TDP1: variants seen among roughly 807,000 people sequenced by gnomAD.
The protein encoded by TDP1 is tyr-DNA phosphodiesterase 1.
A neutral mutation model predicts 81.5 loss-of-function variants in TDP1; 64 were observed. The ratio of observed to expected loss-of-function variants is 0.79; its 90% CI spans 0.64 to 0.97. The LOEUF is 0.97. TDP1 is among the 50% of genes least tolerant of loss of function. The pLI is 0.00. For synonymous variants in TDP1, 256 were observed against 264.3 expected, an observed-to-expected ratio of 0.97 and a Z score of 0.30; for missense variants, 723 against 743.8, an observed-to-expected ratio of 0.97 and a Z score of 0.33.
At position 90,044,589 on chromosome 14, in the gene TDP1, G is replaced by C. The variant is rs1378854924; in HGVS notation, c.*1446G>C. On this transcript the variant is annotated 3_prime_UTR_variant, in exon 17 of 17. Transcript: ENST00000335725. ...AGGAACCTTGTAGGCTGCAGTGGGG[G>C]TGTGGCGATAGAGCAGGAGGCAGGG... 6.6e-6 allele frequency: 1 copy of C among 152,320 alleles called. No homozygotes were observed. Among genetic ancestry groups the C allele is most frequent in the Non-Finnish European group, 1.5e-5 (1 of 68,116 alleles). The allele number at this position is 152,320 out of a possible 1,614,324, so 9.4% of individuals were successfully genotyped here.
intron 7 of TDP1, chr14:89,980,232 A>C (rs1005243745): frequency 2.0e-6 from 2 of 985,442 alleles, no homozygotes; most frequent in South Asian, 9.4e-5. Context: ...AACGGTCCCT[A>C]GTAGTAACAG....
intron 2 of TDP1, among the ~76,000 whole-genome samples, chr14:89,959,028 C>T (rs1892013549): frequency 6.6e-6 from 1 of 152,178 alleles, no homozygotes; most frequent in South Asian, 2.1e-4. Flanking sequence ...AGCATTTCTA[C>T]AACACTACAA....
At chr14:90,018,696 C>T (rs1443327842) in intron 14 of TDP1, among the ~76,000 whole-genome samples, 4 of 152,138 alleles carry the variant, frequency 2.6e-5, no homozygotes, top group Admixed American at 2.0e-4. Flanking sequence ...CCGCCCGCCT[C>T]GGCCTCCCAA....
At chr14:90,029,194 A>ATTTTT (rs539198642) in intron 15 of TDP1, among the ~76,000 whole-genome samples, 16 of 116,206 alleles carry the variant, frequency 1.4e-4, no homozygotes, top group African/African-American at 4.8e-4. Flanking sequence ...CCCTGCCATT[A>ATTTTT]TTTTTTTTTT....
chr14:90,011,249 T>C (rs1884665274), intron 14 of TDP1, among the ~76,000 whole-genome samples: 1 of 152,206 alleles, frequency 6.6e-6, no homozygotes, highest in Non-Finnish European at 1.5e-5. Context: ...CTTGGGTATG[T>C]CTTTATTAGC....
At chr14:90,004,828 C>G (rs1897515495) in intron 14 of TDP1, among the ~76,000 whole-genome samples, 1 of 152,196 alleles carries the variant, frequency 6.6e-6, no homozygotes, top group African/African-American at 2.4e-5. Context: ...GTTGTGAGCA[C>G]AGCTCTCTAG....
At chr14:89,964,806 A>G (rs1383190291) in intron 3 of TDP1, 9 of 409,628 alleles carry the variant, frequency 2.2e-5, no homozygotes, top group Non-Finnish European at 3.3e-5. Flanking sequence ...GTATTGTGGT[A>G]ACATGATAGG....
At chr14:89,984,857 A>T in intron 9 of TDP1, 174 bp downstream of exon 9, 1 of 985,454 alleles carries the variant, frequency 1.0e-6, no homozygotes, top group African/African-American at 1.7e-5. Flanking sequence ...GTTCTCAGGC[A>T]TTAAAGTGAC....
At chr14:90,028,353 A>G (rs1300958437) in intron 15 of TDP1, among the ~76,000 whole-genome samples, 1 of 152,222 alleles carries the variant, frequency 6.6e-6, no homozygotes, top group Non-Finnish European at 1.5e-5. Context: ...TGCAAATAAA[A>G]ACATAAATTA....
intron 6 of TDP1, among the ~76,000 whole-genome samples, chr14:89,974,976 A>G (rs1308369806): frequency 6.6e-6 from 1 of 152,206 alleles, no homozygotes; most frequent in Non-Finnish European, 1.5e-5. Flanking sequence ...ATGAAAATGG[A>G]TTTCATATGT....
In TDP1 at chr14:90,043,236, C is replaced by T; in HGVS notation, c.*93C>T. 1 of 1,488,934 alleles carries T rather than the reference C, an allele frequency of 6.7e-7. No homozygotes were observed. Among genetic ancestry groups the T allele is most frequent in the Non-Finnish European group, 9.3e-7 (1 of 1,076,534 alleles). 92.2% of individuals were successfully genotyped at this position (1,488,934 alleles called of 1,614,324 possible). A position where few individuals can be genotyped will look rare whatever the true frequency, so the allele number is the denominator to read the frequency against. ...ACTGGATGTCCACTTCCCTTAAAGT[C>T]TTATTTGCACCCTTACAAAATCTTT... On this transcript the variant is annotated 3_prime_UTR_variant, in exon 17 of 17. Coordinates refer to ENST00000335725, the MANE Select transcript of TDP1 (RefSeq NM_018319.4).
In TDP1 at chr14:89,964,190, T is replaced by G. The variant is rs769969379; in HGVS notation, c.559+517T>G. Among the ~76,000 whole-genome samples, 11 of 151,938 alleles carry G rather than the reference T, an allele frequency of 7.2e-5. No homozygotes were observed. The East Asian group carries it at 1.7e-3, about 24-fold the overall frequency. ...AGAACCACTGCTTAAAAGCCTGGTT[T>G]TAGTTCCTGGTGAAGAAGAAGAAGA... On this transcript the variant is annotated intron_variant, in intron 3 of 16. Coordinates refer to ENST00000335725, the MANE Select transcript of TDP1 (RefSeq NM_018319.4).
intron 3 of TDP1, among the ~76,000 whole-genome samples, chr14:89,964,668 C>CT (rs1434685799): frequency 6.6e-6 from 1 of 151,976 alleles, no homozygotes; most frequent in Non-Finnish European, 1.5e-5. Context: ...AGGTTGTTTT[C>CT]TTTTTGAGAA....
rs542692691 is a variant in TDP1, at chr14:90,014,774, T to G, written c.1542-4542T>G. On this transcript the variant is annotated intron_variant, in intron 14 of 16. Transcript: ENST00000335725. ...TTCTTAAAAAAAACTTAAAAGTGAA[T>G]CTAATCAGCCACTCTAATTGGTGTT... 1.2e-3 allele frequency among the ~76,000 whole-genome samples: 177 copies of G among 152,300 alleles called. 1 individual carries two copies. Among genetic ancestry groups the G allele is most frequent in the African/African-American group, 4.1e-3 (170 of 41,558 alleles).
At chr14:89,980,370 G>A in intron 7 of TDP1, 170 bp from the exon 8 acceptor site, 1 of 946,144 alleles carries the variant, frequency 1.1e-6, no homozygotes, top group East Asian at 1.2e-4. Context: ...CTATCACTTA[G>A]GCAGACTTTC....
intron 7 of TDP1, 125 bp from the exon 8 acceptor site, chr14:89,980,415 G>A: frequency 7.1e-7 from 1 of 1,413,206 alleles, no homozygotes; most frequent in Non-Finnish European, 9.7e-7. Context: ...GATTATAAAT[G>A]TTAAGTTTGG....
At chr14:89,991,647 A>G (rs1896196199) in intron 12 of TDP1, 11 of 984,802 alleles carry the variant, frequency 1.1e-5, no homozygotes, top group Non-Finnish European at 4.8e-6. Context: ...TATACTTCGT[A>G]AAGTATATGA....
chr14:90,022,023 T>G (rs1886145105), intron 15 of TDP1, among the ~76,000 whole-genome samples: 1 of 152,182 alleles, frequency 6.6e-6, no homozygotes. Context: ...ACAAATGACT[T>G]GGGCAGAGTG....
In TDP1 at chr14:89,975,705, G is replaced by T. The variant is rs1018325759; in HGVS notation, c.757-76G>T. The T allele has an allele frequency of 4.6e-6, 6 of 1,308,308 alleles. No homozygotes were observed. The African/African-American group carries it at 8.8e-5, about 19-fold the overall frequency. The allele number at this position is 1,308,308 out of a possible 1,614,324, so 81.0% of individuals were successfully genotyped here. A position where few individuals can be genotyped will look rare whatever the true frequency, so the allele number is the denominator to read the frequency against. ...TTTAAAAAAAAAAGTTGACCTGATT[G>T]CTTTCTAATGTAATTTCCAGTAGAT... On this transcript the variant is annotated intron_variant, in intron 6 of 16. Coordinates refer to ENST00000335725, the MANE Select transcript of TDP1 (RefSeq NM_018319.4).
Sources: gnomAD v4.1 joint callset for allele counts (sites outside exome capture counted in the v4.1 genomes callset) on GRCh38, gnomAD v4.1.1 for gene constraint, MANE v1.5 for transcripts, NCBI Gene and HGNC (gene_info 2026-07-23, HGNC 2026-07-21) for gene names.